The following MYO3B variants were observed in gnomAD, a reference collection of about 807,000 sequenced individuals.
MYO3B encodes myosin IIIB, also known as myosin-IIIb.
MYO3B carries 156 observed loss-of-function variants against 174.6 expected under a neutral mutation model. The observed-to-expected ratio is 0.89, with a 90% confidence interval of 0.78 to 1.02. MYO3B has a LOEUF of 1.02. Among genes scored for constraint, MYO3B ranks in the 50% least tolerant of loss-of-function variants. MYO3B has a pLI of 0.00. For synonymous variants in MYO3B, 563 were observed against 569.1 expected (o/e 0.99, Z 0.15); for missense variants, 1,632 against 1,639.4 (o/e 1.00, Z 0.08).
intron 27 of MYO3B, 123 bp from the exon 28 acceptor site, chr2:170,501,662 T>C (rs970451203): frequency 3.1e-6 from 2 of 635,784 alleles, no homozygotes; most frequent in African/African-American, 3.7e-5. Context: ...CTTATTTTGT[T>C]CAGTGAGAAA....
intron 9 of MYO3B, among the ~76,000 whole-genome samples, chr2:170,373,604 GGACAGGTAAA>G (rs760406048): frequency 1.3e-5 from 2 of 152,098 alleles, no homozygotes; most frequent in Non-Finnish European, 2.9e-5. Context: ...GGGAACACTT[GGACAGGTAAA>G]GGGGAAGGAT....
intron 22 of MYO3B, among the ~76,000 whole-genome samples, chr2:170,439,056 T>G (rs544099783): frequency 1.3e-5 from 2 of 150,376 alleles, no homozygotes; most frequent in South Asian, 4.2e-4. Context: ...ATATGTGTAG[T>G]CAAGTCCATA....
intron 32 of MYO3B, among the ~76,000 whole-genome samples, chr2:170,598,343 A>T (rs1460830829): frequency 2.6e-5 from 4 of 152,212 alleles, no homozygotes; most frequent in African/African-American, 7.2e-5. Flanking sequence ...TCACGAACGA[A>T]TTCCCCTGCA....
chr2:170,183,101 A>G (rs1424505384), intron 1 of MYO3B, among the ~76,000 whole-genome samples: 1 of 151,984 alleles, frequency 6.6e-6, no homozygotes, highest in Non-Finnish European at 1.5e-5. Context: ...ACTAAAATAC[A>G]AAAAAATTAG....
At chr2:170,538,055 GAAAC>G (rs753125656) in intron 30 of MYO3B, among the ~76,000 whole-genome samples, 34 of 152,198 alleles carry the variant, frequency 2.2e-4, no homozygotes, top group Admixed American at 6.5e-4. Context: ...AGTACACAAA[GAAAC>G]AAGTAAAATT....
In MYO3B at chr2:170,654,480, A is replaced by C. The variant is rs1478324533; in HGVS notation, c.*1359A>C. The C allele has an allele frequency of 6.6e-6, 1 of 151,760 alleles. No individual in the cohort carries two copies. Among genetic ancestry groups the C allele is most frequent in the Non-Finnish European group, 1.5e-5 (1 of 67,930 alleles). 9.4% of individuals were successfully genotyped at this position (151,760 alleles called of 1,614,324 possible). ...GTGAAACCCCGTCTCTACTAAAAAAAATAATGATAATACAAAAATTAGCCC... is the reference window on the plus strand; with the variant it reads ...GTGAAACCCCGTCTCTACTAAAAAACATAATGATAATACAAAAATTAGCCC... On this transcript the variant is annotated 3_prime_UTR_variant, in exon 35 of 35. Coordinates refer to ENST00000408978, the MANE Select transcript of MYO3B (RefSeq NM_138995.5).
chr2:170,400,843 T>G (rs2094471433), intron 17 of MYO3B, among the ~76,000 whole-genome samples: 1 of 152,084 alleles, frequency 6.6e-6, no homozygotes, highest in Admixed American at 6.5e-5. Context: ...TTTTCTTTTT[T>G]TTTTCGAGGC....
chr2:170,645,830 T>C (rs999188944), intron 32 of MYO3B, among the ~76,000 whole-genome samples: 1 of 152,262 alleles, frequency 6.6e-6, no homozygotes, highest in Non-Finnish European at 1.5e-5. Flanking sequence ...TTTACTTCTT[T>C]TTCCAAGTTT....
At chr2:170,398,472 C>G (rs968606965) in intron 16 of MYO3B, among the ~76,000 whole-genome samples, 4 of 152,056 alleles carry the variant, frequency 2.6e-5, no homozygotes, top group African/African-American at 9.7e-5. Flanking sequence ...AACTCAATGT[C>G]TAATCCCTCT....
intron 30 of MYO3B, among the ~76,000 whole-genome samples, chr2:170,522,587 C>A (rs1688742826): frequency 6.6e-6 from 1 of 152,154 alleles, no homozygotes; most frequent in African/African-American, 2.4e-5. Flanking sequence ...CTATTTTAGA[C>A]CAAAAAAGGT....
At chr2:170,534,006 T>C (rs1373137052) in intron 30 of MYO3B, among the ~76,000 whole-genome samples, 1 of 152,238 alleles carries the variant, frequency 6.6e-6, no homozygotes, top group Non-Finnish European at 1.5e-5. Flanking sequence ...CAAATAGTCT[T>C]TTTTGCTTAA....
At chr2:170,618,126 T>A (rs1001345881) in intron 32 of MYO3B, among the ~76,000 whole-genome samples, 1 of 152,154 alleles carries the variant, frequency 6.6e-6, no homozygotes, top group Non-Finnish European at 1.5e-5. Flanking sequence ...GGTGGATACC[T>A]AAAACCTAAA....
chr2:170,423,189 G>C (rs1490948348), intron 22 of MYO3B, among the ~76,000 whole-genome samples: 1 of 151,740 alleles, frequency 6.6e-6, no homozygotes. Context: ...CACCATGTTG[G>C]CCAGTCTGGT....
chr2:170,284,899 A>C (rs191380470), intron 7 of MYO3B, among the ~76,000 whole-genome samples: 1 of 152,204 alleles, frequency 6.6e-6, no homozygotes, highest in Admixed American at 6.5e-5. Flanking sequence ...GCATATGCAT[A>C]TATTTATAAT....
At chr2:170,278,263 A>G (rs1450912639) in intron 7 of MYO3B, among the ~76,000 whole-genome samples, 1 of 152,160 alleles carries the variant, frequency 6.6e-6, no homozygotes, top group Non-Finnish European at 1.5e-5. Flanking sequence ...TTGAAATTTT[A>G]AGAATGTCGT....
chr2:170,613,804 C>A (rs1477415248), intron 32 of MYO3B, among the ~76,000 whole-genome samples: 1 of 152,150 alleles, frequency 6.6e-6, no homozygotes, highest in Non-Finnish European at 1.5e-5. Context: ...CAGCCCACAT[C>A]TTTCACCCAT....
intron 8 of MYO3B, chr2:170,346,417 C>T (rs1011374490): frequency 1.3e-5 from 2 of 152,062 alleles, no homozygotes; most frequent in Non-Finnish European, 2.9e-5. Context: ...TATTGTAAAG[C>T]ATCACTACAA....
At chr2:170,627,762 T>TAAGGAAAA (rs1187215050) in intron 32 of MYO3B, among the ~76,000 whole-genome samples, 3 of 151,898 alleles carry the variant, frequency 2.0e-5, no homozygotes, top group African/African-American at 7.2e-5. Context: ...TAGTTTTCCT[T>TAAGGAAAA]CTAACAGTCA....
At chr2:170,294,104 T>A (rs2093613612) in intron 7 of MYO3B, among the ~76,000 whole-genome samples, 1 of 152,148 alleles carries the variant, frequency 6.6e-6, no homozygotes, top group Non-Finnish European at 1.5e-5. Context: ...ATCTGTTTCG[T>A]CTTACCTAGA....
Sources: gnomAD v4.1 joint callset for allele counts (sites outside exome capture counted in the v4.1 genomes callset) on GRCh38, gnomAD v4.1.1 for gene constraint, MANE v1.5 for transcripts, NCBI Gene and HGNC (gene_info 2026-07-23, HGNC 2026-07-21) for gene names.